The following NFASC variants were observed in gnomAD, a reference collection of about 807,000 sequenced individuals.
NFASC encodes the protein neurofascin.
A neutral mutation model predicts 147.5 loss-of-function variants in NFASC; 43 were observed. The observed-to-expected ratio is 0.29, with a 90% CI of 0.23 to 0.38. The LOEUF (loss-of-function observed/expected upper bound fraction) is 0.38. Ranked by LOEUF, NFASC falls within the 10% of genes least tolerant of loss-of-function variation. The pLI, the probability that NFASC is intolerant of heterozygous loss-of-function variation, is 1.00. For synonymous variants in NFASC, 622 were observed against 665.5 expected (o/e 0.93, Z 1.01); for missense variants, 1,320 against 1,689.0 (o/e 0.78, Z 3.83).
intron 1 of NFASC, 48 bp from the exon 2 acceptor site, chr1:204,920,582 TCC>T (rs1231196631): frequency 1.6e-5 from 15 of 948,278 alleles, no homozygotes; most frequent in Admixed American, 1.4e-4. Flanking sequence ...TTTTTTTTCT[TCC>T]TTTCTTAGAG....
At chr1:204,852,816 C>A (rs2075814256) in intron 1 of NFASC, among the ~76,000 whole-genome samples, 1 of 152,236 alleles carries the variant, frequency 6.6e-6, no homozygotes, top group Non-Finnish European at 1.5e-5. Context: ...GCCTCCTGGG[C>A]TTGCCTCATC....
chr1:204,885,111 C>G (rs2081056259), intron 1 of NFASC, among the ~76,000 whole-genome samples: 1 of 151,914 alleles, frequency 6.6e-6, no homozygotes, highest in African/African-American at 2.4e-5. Context: ...AATGAGACCC[C>G]CATCTTTTTT....
In NFASC at chr1:204,979,981, G is replaced by A. The variant is rs1441889346; in HGVS notation, c.2177-389G>A. ...TTCTGAAATCACACCAGCTCATAGA[G>A]GGTAGAGATGCTGCCCAAAAAAAAT... On this transcript the variant is annotated intron_variant, in intron 19 of 29. Coordinates refer to ENST00000339876, the MANE Select transcript of NFASC (RefSeq NM_001005388.3). The surrounding 1 kb of genome is among the most constrained non-coding windows in gnomAD (Gnocchi z 6.0). Among the ~76,000 whole-genome samples, 2 of 152,170 alleles carry A rather than the reference G, an allele frequency of 1.3e-5. No individual in the cohort carries two copies. The highest frequency in any genetic ancestry group is 1.9e-4 in the East Asian group (1 of 5,200).
At chr1:204,965,063 G>A (rs2094876180) in intron 8 of NFASC, among the ~76,000 whole-genome samples, 1 of 152,226 alleles carries the variant, frequency 6.6e-6, no homozygotes, top group Non-Finnish European at 1.5e-5. Flanking sequence ...CCCTGGGCAA[G>A]AAGTCAAATG....
intron 27 of NFASC, among the ~76,000 whole-genome samples, chr1:205,006,568 T>G (rs1156568024): frequency 6.6e-6 from 1 of 152,104 alleles, no homozygotes; most frequent in Non-Finnish European, 1.5e-5. Flanking sequence ...AAGGCCAGGC[T>G]CAGAAGCTGA....
intron 28 of NFASC, 95 bp from the exon 29 acceptor site, chr1:205,012,702 C>T (rs755225193): frequency 8.9e-6 from 8 of 897,676 alleles, no homozygotes; most frequent in South Asian, 2.6e-5. Flanking sequence ...GAGCCCAGGG[C>T]GGTGCCTTCT....
At chr1:204,999,490 A>G (rs2095924520) in intron 25 of NFASC, 1 of 152,178 alleles carries the variant, frequency 6.6e-6, no homozygotes, top group South Asian at 2.1e-4. Context: ...CAAGTCCCCA[A>G]ATAATGACTA....
At chr1:204,937,386 C>T (rs1325391440) in intron 2 of NFASC, among the ~76,000 whole-genome samples, 1 of 152,178 alleles carries the variant, frequency 6.6e-6, no homozygotes, top group East Asian at 1.9e-4. Flanking sequence ...TATATAATGA[C>T]AAGTATCTAC....
intron 1 of NFASC, among the ~76,000 whole-genome samples, chr1:204,906,718 T>C (rs2085981147): frequency 6.6e-6 from 1 of 151,984 alleles, no homozygotes; most frequent in Non-Finnish European, 1.5e-5. Flanking sequence ...AGTCTCGCTC[T>C]GTTGCCCAGG....
intron 2 of NFASC, among the ~76,000 whole-genome samples, chr1:204,930,480 G>A (rs1415212484): frequency 6.6e-6 from 1 of 152,178 alleles, no homozygotes; most frequent in Non-Finnish European, 1.5e-5. Context: ...GTAATAGGAA[G>A]TATCTGATAG....
At position 204,974,570 on chromosome 1, in the gene NFASC, C is replaced by A. The variant is rs1047040425; in HGVS notation, c.1392-87C>A. The A allele has an allele frequency of 1.5e-5, 22 of 1,453,588 alleles. No individual in the cohort carries two copies. In the African/African-American group the frequency reaches 2.9e-4, roughly 19 times the overall value. 90.0% of individuals were successfully genotyped at this position (1,453,588 alleles called of 1,614,324 possible). A position where few individuals can be genotyped will look rare whatever the true frequency, so the allele number is the denominator to read the frequency against. ...CTAGCATGGGGCTCCTTCCACAGCC[C>A]CCATGGTCTCTCTTGATTGGCTGCT... On this transcript the variant is annotated intron_variant, in intron 13 of 29. Coordinates refer to ENST00000339876, the MANE Select transcript of NFASC (RefSeq NM_001005388.3).
chr1:204,976,596 C>G, intron 15 of NFASC, 75 bp from the exon 16 acceptor site: 1 of 1,163,280 alleles, frequency 8.6e-7, no homozygotes, highest in Non-Finnish European at 1.3e-6. Context: ...AGAACCCCCT[C>G]TAGGGAGAAA....
At chr1:204,961,225 C>T (rs2094648622) in intron 8 of NFASC, among the ~76,000 whole-genome samples, 1 of 152,148 alleles carries the variant, frequency 6.6e-6, no homozygotes, top group Non-Finnish European at 1.5e-5. Context: ...GGAGTAAATG[C>T]CCACGAGTTT....
intron 24 of NFASC, among the ~76,000 whole-genome samples, chr1:204,994,447 G>A (rs1558407594): frequency 6.6e-6 from 1 of 152,152 alleles, no homozygotes; most frequent in Non-Finnish European, 1.5e-5. Context: ...GGAAGTGTGT[G>A]CCCCCAGCTA....
At chr1:205,007,681 A>G in intron 27 of NFASC, among the ~76,000 whole-genome samples, 1 of 152,164 alleles carries the variant, frequency 6.6e-6, no homozygotes, top group Non-Finnish European at 1.5e-5. Flanking sequence ...GGCAGCCATT[A>G]GAAGAAAAAG....
At chr1:204,858,898 A>C (rs1300955863) in intron 1 of NFASC, among the ~76,000 whole-genome samples, 3 of 151,896 alleles carry the variant, frequency 2.0e-5, no homozygotes, top group Non-Finnish European at 4.4e-5. Context: ...CTTTAGTGGA[A>C]GCACACGGGG....
chr1:204,855,630 A>T (rs2076086885), intron 1 of NFASC, among the ~76,000 whole-genome samples: 1 of 152,082 alleles, frequency 6.6e-6, no homozygotes, highest in African/African-American at 2.4e-5. Flanking sequence ...GACCCAAGAG[A>T]CTGGAGGAGA....
chr1:204,955,662 T>TTAATA (rs1051059345), intron 7 of NFASC, among the ~76,000 whole-genome samples: 32 of 152,206 alleles, frequency 2.1e-4, no homozygotes, highest in African/African-American at 6.3e-4. Flanking sequence ...AGCAGAAGCA[T>TTAATA]TAATAGAGGT....
In NFASC at chr1:204,857,913, C is replaced by CT. The variant is rs1338962090; in HGVS notation, c.-200+29133dup. On this transcript the variant is annotated intron_variant, in intron 1 of 29. Transcript: ENST00000339876. ...ATGTCTGTGTCCTAGTCTCCTTCTT[C>CT]TTCTTCTTTTTTTTTTTTTTTTTGA... Among the ~76,000 whole-genome samples the CT allele has an allele frequency of 3.0e-3, 380 of 125,250 alleles. 2 individuals are homozygous for CT. Among genetic ancestry groups the CT allele is most frequent in the African/African-American group, 0.013 (365 of 28,870 alleles). The allele number at this position is 125,250 out of a possible 152,430, so 82.2% of individuals were successfully genotyped here.
Sources: allele counts gnomAD v4.1 joint callset (sites outside exome capture counted in the v4.1 genomes callset), GRCh38; gene constraint gnomAD v4.1.1; non-coding constraint Gnocchi (gnomAD v3.1); transcripts MANE v1.5; gene names NCBI Gene and HGNC (gene_info 2026-07-23, HGNC 2026-07-21).